Variants in CSNK1G3 observed in about 807,000 individuals in gnomAD.
CSNK1G3 encodes casein kinase I isoform gamma-3.
Under a neutral mutation model 64.3 loss-of-function variants are expected in CSNK1G3, and 23 were observed. The ratio of observed to expected loss-of-function variants is 0.36; its 90% confidence interval spans 0.26 to 0.51. The LOEUF (loss-of-function observed/expected upper bound fraction) is 0.51, where lower values mean the gene tolerates loss of function less well. CSNK1G3 is among the 20% of genes least tolerant of loss of function. CSNK1G3 has a pLI of 0.96. For synonymous variants in CSNK1G3, 158 were observed against 162.2 expected, an observed-to-expected ratio of 0.97 and a Z score of 0.20; for missense variants, 357 against 510.5, an observed-to-expected ratio of 0.70 and a Z score of 2.90.
At chr5:123,528,539 A>T (rs1424631438) in intron 1 of CSNK1G3, among the ~76,000 whole-genome samples, 2 of 152,212 alleles carry the variant, frequency 1.3e-5, no homozygotes, top group African/African-American at 4.8e-5. Flanking sequence ...TTAAAGAGTG[A>T]AAACATTGTC....
At chr5:123,554,333 C>T (rs1031956746) in intron 3 of CSNK1G3, among the ~76,000 whole-genome samples, 1 of 152,178 alleles carries the variant, frequency 6.6e-6, no homozygotes, top group Non-Finnish European at 1.5e-5. Context: ...CAGTTGTCAG[C>T]GTTTCTTAGA....
chr5:123,560,617 G>A (rs1261328601), intron 4 of CSNK1G3, among the ~76,000 whole-genome samples: 1 of 152,210 alleles, frequency 6.6e-6, no homozygotes, highest in African/African-American at 2.4e-5. Context: ...GGAGGCTGAG[G>A]TGGGAGCATC....
rs534623542 is a variant in CSNK1G3 at position 123,522,630 on chromosome 5, C to T, written c.-248+10060C>T. The stretch of plus-strand genomic sequence containing the variant: ...GGTTATTCCTGGATTACTTGTAATA[C>T]CTAATACAATGTAAGTGCTGTGTAA... On this transcript the variant is annotated intron_variant, in intron 1 of 12. Transcript: ENST00000345990. Among the ~76,000 whole-genome samples the T allele has an allele frequency of 5.3e-5, 8 of 151,980 alleles. No homozygotes were observed. In the East Asian group the frequency reaches 1.5e-3, roughly 29 times the overall value.
intron 1 of CSNK1G3, among the ~76,000 whole-genome samples, chr5:123,544,089 C>T (rs1002384817): frequency 2.0e-5 from 3 of 152,142 alleles, no homozygotes; most frequent in Non-Finnish European, 4.4e-5. Flanking sequence ...TCTTCCTATA[C>T]GCAACTTATC....
chr5:123,584,912 T>C (rs1791022254), intron 6 of CSNK1G3, among the ~76,000 whole-genome samples: 1 of 152,226 alleles, frequency 6.6e-6, no homozygotes, highest in Non-Finnish European at 1.5e-5. Flanking sequence ...GGATCTGTTC[T>C]GATGCCTCTT....
At chr5:123,576,828 A>G (rs1272413006) in intron 6 of CSNK1G3, among the ~76,000 whole-genome samples, 4 of 152,044 alleles carry the variant, frequency 2.6e-5, no homozygotes, top group Non-Finnish European at 5.9e-5. Context: ...GATTATGTAA[A>G]CATGTTGTTC....
intron 10 of CSNK1G3, among the ~76,000 whole-genome samples, chr5:123,595,631 G>A (rs903622505): frequency 2.0e-5 from 3 of 151,840 alleles, no homozygotes; most frequent in Non-Finnish European, 4.4e-5. Context: ...TGTTTTGTTT[G>A]TACTTATAGA....
chr5:123,521,021 T>G (rs1778002730), intron 1 of CSNK1G3, among the ~76,000 whole-genome samples: 1 of 152,100 alleles, frequency 6.6e-6, no homozygotes. Context: ...TGGTATTCTA[T>G]AAGTCTTAGG....
chr5:123,597,764 A>T (rs974652712), intron 10 of CSNK1G3, among the ~76,000 whole-genome samples: 1 of 152,192 alleles, frequency 6.6e-6, no homozygotes, highest in Non-Finnish European at 1.5e-5. Context: ...TAAGCTCTGC[A>T]GTCAGATTTG....
In CSNK1G3 at chr5:123,537,645, G is replaced by A. The variant is rs114739853; in HGVS notation, c.-247-7772G>A. On this transcript the variant is annotated intron_variant, in intron 1 of 12. Coordinates refer to ENST00000345990, the Ensembl canonical transcript of CSNK1G3. ...AAACATACATGTTGAGATGAAACAC[G>A]CAGTTTTTTATGTGTGTATGGGGGC... Among the ~76,000 whole-genome samples, 314 of 152,240 alleles carry A rather than the reference G, an allele frequency of 2.1e-3. 2 individuals are homozygous for A. The highest frequency in any genetic ancestry group is 7.4e-3 in the African/African-American group (309 of 41,552).
At chr5:123,589,136 AG>A (rs1791874628) in intron 8 of CSNK1G3, among the ~76,000 whole-genome samples, 1 of 152,200 alleles carries the variant, frequency 6.6e-6, no homozygotes, top group Non-Finnish European at 1.5e-5. Flanking sequence ...AGCCACATTA[AG>A]TGAAAAGAGA....
chr5:123,520,103 G>GAC (rs1371303353), intron 1 of CSNK1G3, among the ~76,000 whole-genome samples: 1 of 152,052 alleles, frequency 6.6e-6, no homozygotes, highest in East Asian at 1.9e-4. Flanking sequence ...AAGACAGGCA[G>GAC]ACACACACAC....
intron 8 of CSNK1G3, 114 bp from the exon 9 acceptor site, chr5:123,590,296 A>G: frequency 2.3e-6 from 1 of 429,280 alleles, no homozygotes. Context: ...ATTGCAATGT[A>G]ATTTTGTTAC....
chr5:123,552,285 A>G (rs1173346617), intron 2 of CSNK1G3, among the ~76,000 whole-genome samples: 1 of 151,942 alleles, frequency 6.6e-6, no homozygotes, highest in African/African-American at 2.4e-5. Context: ...AGCTGGGATT[A>G]CAGGCGTGCG....
intron 1 of CSNK1G3, among the ~76,000 whole-genome samples, chr5:123,526,433 A>G (rs1178134193): frequency 1.3e-5 from 2 of 152,104 alleles, no homozygotes; most frequent in African/African-American, 4.8e-5. Context: ...TGTTAAAGGA[A>G]ATATTCTCTT....
chr5:123,526,652 A>G (rs1384758606), intron 1 of CSNK1G3, among the ~76,000 whole-genome samples: 1 of 152,148 alleles, frequency 6.6e-6, no homozygotes. Context: ...TATCATATAA[A>G]TTGAAACATG....
chr5:123,567,817 T>C (rs1284621520), intron 4 of CSNK1G3, among the ~76,000 whole-genome samples: 1 of 152,220 alleles, frequency 6.6e-6, no homozygotes, highest in Admixed American at 6.5e-5. Flanking sequence ...TCATTATGAC[T>C]GGTCTCAAGC....
intron 1 of CSNK1G3, among the ~76,000 whole-genome samples, chr5:123,542,199 C>CAT (rs1192191220): frequency 3.3e-5 from 5 of 152,064 alleles, no homozygotes; most frequent in African/African-American, 1.2e-4. Flanking sequence ...AGCTAATTAA[C>CAT]ATATGCATTA....
intron 12 of CSNK1G3, among the ~76,000 whole-genome samples, chr5:123,612,815 A>G (rs538946359): frequency 6.6e-6 from 1 of 152,318 alleles, no homozygotes; most frequent in South Asian, 2.1e-4. Context: ...TAAGAATTAT[A>G]GAAACATCTT....
Sources: allele counts gnomAD v4.1 joint callset (sites outside exome capture counted in the v4.1 genomes callset), GRCh38; gene constraint gnomAD v4.1.1; transcripts MANE v1.5; gene names NCBI Gene and HGNC (gene_info 2026-07-23, HGNC 2026-07-21).